SDK1: variants seen among roughly 807,000 people sequenced by gnomAD.
The protein encoded by SDK1 is sidekick cell adhesion molecule 1.
SDK1 carries 157 observed loss-of-function variants against 245.5 expected under a neutral mutation model. That is an observed-to-expected ratio of 0.64 (90% CI 0.56 to 0.73). SDK1 has a LOEUF of 0.73. SDK1 is among the 30% of genes least tolerant of loss of function. SDK1 has a pLI of 0.00. For synonymous variants in SDK1, 1,647 were observed against 1,278.5 expected, an observed-to-expected ratio of 1.29 and a Z score of -6.15; for missense variants, 3,583 against 3,002.3, an observed-to-expected ratio of 1.19 and a Z score of -4.52.
chr7:3,556,066 G>T (rs1349603654), intron 1 of SDK1, among the ~76,000 whole-genome samples: 1 of 152,148 alleles, frequency 6.6e-6, no homozygotes, highest in Non-Finnish European at 1.5e-5. Context: ...CCACTGTTAG[G>T]TATATATGCC....
At chr7:4,253,132 T>C (rs1447688992) in intron 44 of SDK1, among the ~76,000 whole-genome samples, 1 of 152,122 alleles carries the variant, frequency 6.6e-6, no homozygotes, top group Non-Finnish European at 1.5e-5. Context: ...CTATTTCATT[T>C]ATTTCTACTC....
chr7:4,064,634 A>T (rs1282446044), intron 19 of SDK1, among the ~76,000 whole-genome samples: 2 of 152,222 alleles, frequency 1.3e-5, no homozygotes, highest in Non-Finnish European at 2.9e-5. Context: ...AGCACCATTC[A>T]CAGTAGCCAA....
At chr7:3,561,493 A>T (rs1244243018) in intron 1 of SDK1, among the ~76,000 whole-genome samples, 1 of 152,174 alleles carries the variant, frequency 6.6e-6, no homozygotes, top group African/African-American at 2.4e-5. Flanking sequence ...AAGCTTTCTC[A>T]TGAGCACTGT....
At chr7:3,377,709 A>G (rs1231876723) in intron 1 of SDK1, among the ~76,000 whole-genome samples, 1 of 152,076 alleles carries the variant, frequency 6.6e-6, no homozygotes, top group African/African-American at 2.4e-5. Context: ...CACACAGGGC[A>G]GGGGGCTGTG....
chr7:3,308,457 C>G (rs1003195876), intron 1 of SDK1, among the ~76,000 whole-genome samples: 1 of 152,084 alleles, frequency 6.6e-6, no homozygotes, highest in Non-Finnish European at 1.5e-5. Flanking sequence ...TAATTTTTCA[C>G]TTTAACAGGC....
intron 5 of SDK1, among the ~76,000 whole-genome samples, chr7:3,947,731 CAGA>C (rs1240395792): frequency 2.0e-5 from 3 of 151,538 alleles, no homozygotes; most frequent in African/African-American, 7.3e-5. Context: ...AGGTAAATAA[CAGA>C]AGAAGTAAAA....
At chr7:3,546,672 A>G (rs1284467271) in intron 1 of SDK1, among the ~76,000 whole-genome samples, 3 of 152,210 alleles carry the variant, frequency 2.0e-5, no homozygotes, top group Admixed American at 6.5e-5. Context: ...CGTCTCCCAA[A>G]CTGTACTGCG....
At chr7:3,747,007 A>T (rs949521881) in intron 4 of SDK1, among the ~76,000 whole-genome samples, 8 of 152,242 alleles carry the variant, frequency 5.3e-5, no homozygotes, top group Non-Finnish European at 1.0e-4. Flanking sequence ...TTTCTTAAAT[A>T]GTAAGACGTG....
At chr7:3,755,547 T>A (rs933531065) in intron 4 of SDK1, among the ~76,000 whole-genome samples, 1 of 152,174 alleles carries the variant, frequency 6.6e-6, no homozygotes, top group Non-Finnish European at 1.5e-5. Flanking sequence ...TTAATTTTTT[T>A]AATTCGTACC....
intron 1 of SDK1, among the ~76,000 whole-genome samples, chr7:3,401,261 C>T (rs949273412): frequency 2.0e-5 from 3 of 152,100 alleles, no homozygotes; most frequent in Non-Finnish European, 4.4e-5. Context: ...ACACAGAATT[C>T]CAATCAAGAT....
chr7:4,205,796 C>G (rs1027508867), intron 35 of SDK1, 83 bp from the exon 36 acceptor site: 3 of 1,125,340 alleles, frequency 2.7e-6, no homozygotes, highest in East Asian at 2.6e-5. Flanking sequence ...AGGGCATGCT[C>G]GAGCCCCATG....
At chr7:3,441,141 G>A (rs1207699351) in intron 1 of SDK1, among the ~76,000 whole-genome samples, 7 of 152,108 alleles carry the variant, frequency 4.6e-5, no homozygotes, top group African/African-American at 1.7e-4. Flanking sequence ...TTTTGAGACA[G>A]CCCATGTTCA....
chr7:3,539,598 A>G (rs1055897328), intron 1 of SDK1, among the ~76,000 whole-genome samples: 66 of 152,186 alleles, frequency 4.3e-4, no homozygotes, highest in African/African-American at 1.6e-3. Flanking sequence ...GCAGGGCCGT[A>G]TCACATCTGT....
intron 2 of SDK1, among the ~76,000 whole-genome samples, chr7:3,632,742 C>A (rs1172714403): frequency 6.6e-6 from 1 of 152,180 alleles, no homozygotes; most frequent in Admixed American, 6.5e-5. Flanking sequence ...AAAAACATAA[C>A]CTCAGCTTGC....
At chr7:4,152,978 GGAA>G (rs974980832) in intron 30 of SDK1, among the ~76,000 whole-genome samples, 5 of 152,186 alleles carry the variant, frequency 3.3e-5, no homozygotes, top group Admixed American at 2.6e-4. Context: ...GCAGTAGAGA[GGAA>G]GAAGAGAAGG....
At chr7:3,401,825 A>C (rs1286091083) in intron 1 of SDK1, among the ~76,000 whole-genome samples, 3 of 152,172 alleles carry the variant, frequency 2.0e-5, no homozygotes, top group African/African-American at 7.2e-5. Context: ...CAAAATGAGC[A>C]CAAATGGCAT....
chr7:3,553,301 A>G (rs910285241), intron 1 of SDK1, among the ~76,000 whole-genome samples: 6 of 152,204 alleles, frequency 3.9e-5, no homozygotes, highest in South Asian at 4.1e-4. Flanking sequence ...ATTTTGCTCT[A>G]TGTCAAAAAA....
chr7:3,858,464 C>T (rs1780601571), intron 5 of SDK1, among the ~76,000 whole-genome samples: 1 of 148,806 alleles, frequency 6.7e-6, no homozygotes, highest in Admixed American at 6.6e-5. Context: ...TCAAAAAATA[C>T]CCAGGAAAAA....
At chr7:3,403,422 C>T (rs1041062415) in intron 1 of SDK1, among the ~76,000 whole-genome samples, 1 of 151,948 alleles carries the variant, frequency 6.6e-6, no homozygotes, top group Non-Finnish European at 1.5e-5. Context: ...GTTATTTGAA[C>T]GTTTTGACTA....
Sources: allele counts gnomAD v4.1 joint callset (sites outside exome capture counted in the v4.1 genomes callset), GRCh38; gene constraint gnomAD v4.1.1; transcripts MANE v1.5; gene names NCBI Gene and HGNC (gene_info 2026-07-23, HGNC 2026-07-21).